The following PCDHA1 variants were observed in gnomAD, a reference collection of about 807,000 sequenced individuals.
PCDHA1 encodes the protein protocadherin alpha 1.
Under a neutral mutation model 61.3 loss-of-function variants are expected in PCDHA1, and 42 were observed. The observed-to-expected ratio is 0.69, with a 90% confidence interval of 0.54 to 0.89. The LOEUF (loss-of-function observed/expected upper bound fraction) is 0.89, where lower values mean the gene tolerates loss of function less well. Ranked by LOEUF, PCDHA1 falls within the 40% of genes least tolerant of loss-of-function variation. PCDHA1 has a pLI of 0.00. For missense variants in PCDHA1, 1,256 were observed against 1,235.3 expected, an observed-to-expected ratio of 1.02 and a Z score of -0.25; for synonymous variants, 610 against 553.8, an observed-to-expected ratio of 1.10 and a Z score of -1.43.
rs547096956 is a variant in PCDHA1, at chr5:140,967,167, T to C, written c.2395-11782T>C. 6.2e-6 allele frequency: 10 copies of C among 1,611,120 alleles called. No homozygotes were observed. In the Admixed American group the frequency reaches 8.3e-5, roughly 13 times the overall value. ...CACAACCCCGTGGCGGTGAGCGCCG[T>C]TGAGGTGGAAATATTGGACATCAAC... is the stretch of plus-strand genomic sequence containing the variant. On this transcript the variant is annotated intron_variant, in intron 1 of 3. Transcript: ENST00000504120.
intron 1 of PCDHA1, chr5:140,828,394 G>A: frequency 6.2e-7 from 1 of 1,614,292 alleles, no homozygotes; most frequent in East Asian, 2.2e-5. Context: ...GGAGCGCGGA[G>A]TGCAGCATCC....
Position 140,786,897 on chromosome 5 carries a change from G to A in PCDHA1, c.607G>A (p.Glu203Lys), listed in dbSNP as rs1761339084. 4 of 1,614,160 alleles carry A rather than the reference G, an allele frequency of 2.5e-6. No individual in the cohort carries two copies. Among genetic ancestry groups the A allele is most frequent in the African/African-American group, 2.7e-5 (2 of 75,054 alleles). The change falls in exon 1 of 4, where the codon GAA becomes AAA. Residue 203 changes from glutamate (E) to lysine (K), a missense_variant. Coordinates refer to ENST00000504120, the MANE Select transcript of PCDHA1 (RefSeq NM_018900.4). Reference protein sequence around the residue: ...WLELRKYLDREETPELHLLLT... With the variant: ...WLELRKYLDRKETPELHLLLT... The stretch of plus-strand genomic sequence containing the variant: ...TGAATTGAGAAAATATTTGGATAGA[G>A]AAGAAACACCAGAACTTCACTTATT...
At chr5:140,858,647 A>T in intron 1 of PCDHA1, 1 of 821,512 alleles carries the variant, frequency 1.2e-6, no homozygotes, top group Non-Finnish European at 1.8e-6. Context: ...ATTGGTACTT[A>T]AATTTTTTTA....
At chr5:140,962,565 C>G (rs2095693012) in intron 1 of PCDHA1, among the ~76,000 whole-genome samples, 1 of 152,130 alleles carries the variant, frequency 6.6e-6, no homozygotes, top group African/African-American at 2.4e-5. Flanking sequence ...CCCCTAAAAG[C>G]CAATTGTTAA....
intron 1 of PCDHA1, among the ~76,000 whole-genome samples, chr5:140,923,382 G>A (rs1554201427): frequency 6.6e-6 from 1 of 152,114 alleles, no homozygotes; most frequent in Non-Finnish European, 1.5e-5. Context: ...TTAAAAATTA[G>A]TTGGGCATGG....
rs560256618 is a variant in PCDHA1 at position 140,999,889 on chromosome 5, C to T, written c.2543-9738C>T. Among the ~76,000 whole-genome samples the T allele has an allele frequency of 2.0e-5, 3 of 152,292 alleles. No homozygotes were observed. In the East Asian group the frequency reaches 5.8e-4, roughly 29 times the overall value. ...TTACTGAAAATTAGCCCAGCTGTAG[C>T]TTGGGACACCAAACAGCCAAAAAAT... On this transcript the variant is annotated intron_variant, in intron 3 of 3. Coordinates refer to ENST00000504120, the MANE Select transcript of PCDHA1 (RefSeq NM_018900.4).
intron 1 of PCDHA1, chr5:140,834,485 G>A (rs2150219471): frequency 1.2e-6 from 2 of 1,614,120 alleles, no homozygotes. Context: ...TCCACTACTC[G>A]GTCCCCGAGG....
chr5:140,882,572 T>C, intron 1 of PCDHA1: 1 of 1,614,106 alleles, frequency 6.2e-7, no homozygotes, highest in Non-Finnish European at 8.5e-7. Flanking sequence ...GAGCGCGGAG[T>C]GCAGCATCCA....
intron 1 of PCDHA1, chr5:140,856,124 G>A (rs2043793970): frequency 6.3e-7 from 1 of 1,598,042 alleles, no homozygotes; most frequent in African/African-American, 1.3e-5. Context: ...CTGGGAGGTG[G>A]GGAGCGGCCA....
chr5:140,849,798 C>T (rs1356253349), intron 1 of PCDHA1: 4 of 1,598,532 alleles, frequency 2.5e-6, no homozygotes, highest in Non-Finnish European at 3.4e-6. Context: ...CTCGCCTTCA[C>T]TGTGGGCCAC....
chr5:140,969,149 G>C (rs782510891), intron 1 of PCDHA1: 3 of 1,614,120 alleles, frequency 1.9e-6, no homozygotes, highest in South Asian at 1.1e-5. Context: ...CTGCTACAAG[G>C]CCTGTCTGAC....
chr5:140,884,456 G>A lies in PCDHA1; in HGVS notation c.2395-94493G>A, dbSNP rs1460569799. 2.5e-6 allele frequency: 4 copies of A among 1,613,650 alleles called. No individual in the cohort carries two copies. In the African/African-American group the frequency reaches 5.3e-5, roughly 22 times the overall value. The stretch of plus-strand genomic sequence containing the variant: ...GCGGTGCTCGGCACCGCCCACCGAG[G>A]GCGCGTGCGCGCCGGGCAAGCCCAC... On this transcript the variant is annotated intron_variant, in intron 1 of 3. Coordinates refer to ENST00000504120, the MANE Select transcript of PCDHA1 (RefSeq NM_018900.4).
intron 1 of PCDHA1, among the ~76,000 whole-genome samples, chr5:140,901,191 C>A (rs2153472732): frequency 6.6e-6 from 1 of 152,084 alleles, no homozygotes; most frequent in Non-Finnish European, 1.5e-5. Context: ...GTTTGCTTTT[C>A]TGTGCAGAAG....
At chr5:140,883,390 G>T (rs373348994) in intron 1 of PCDHA1, 4 of 1,614,050 alleles carry the variant, frequency 2.5e-6, no homozygotes, top group East Asian at 4.5e-5. Context: ...TAATCAGTGT[G>T]TCCGATCGTG....
intron 1 of PCDHA1, among the ~76,000 whole-genome samples, chr5:140,964,685 A>G (rs1209867922): frequency 1.3e-5 from 2 of 152,036 alleles, no homozygotes; most frequent in African/African-American, 4.8e-5. Context: ...CAATTTGTGC[A>G]CTTGAGAGAT....
chr5:140,838,316 G>A (rs1775677807), intron 1 of PCDHA1, among the ~76,000 whole-genome samples: 1 of 146,606 alleles, frequency 6.8e-6, no homozygotes, highest in Non-Finnish European at 1.5e-5. Context: ...TAGAAACAGA[G>A]TTTCACCATG....
rs782529116 is a variant in PCDHA1, at chr5:140,788,043, G to C, written c.1753G>C (p.Val585Leu). ...GAVSELVPRL[V>L]GAGHVVAKVR... ...AGTCAGTGAGCTGGTGCCGCGATTG[G>C]TGGGTGCGGGTCATGTGGTGGCGAA... Residue 585 changes from valine (V) to leucine (L), a missense_variant, in exon 1 of 4, where the codon GTG becomes CTG. Physicochemically the swap from Val to Leu is conservative, Grantham distance 32. Transcript: ENST00000504120. The C allele has an allele frequency of 1.9e-6, 3 of 1,614,028 alleles. No individual in the cohort carries two copies. The highest frequency in any genetic ancestry group is 2.5e-6 in the Non-Finnish European group (3 of 1,179,906).
chr5:140,788,125 A>G lies in PCDHA1; in HGVS notation c.1835A>G (p.Gln612Arg), dbSNP rs781789933. ...GYNAWLSYEL[Q>R]PAAGGARIPF... The stretch of plus-strand genomic sequence containing the variant: ...AACGCGTGGCTGTCCTATGAACTGC[A>G]GCCGGCAGCAGGCGGCGCGCGCATC... The change falls in exon 1 of 4, where the codon CAG becomes CGG. Residue 612 changes from glutamine to arginine, a missense_variant. By Grantham distance (43) the Gln-to-Arg change is conservative. Transcript: ENST00000504120. 1 of 1,613,944 alleles carries G rather than the reference A, an allele frequency of 6.2e-7. No homozygotes were observed. Among genetic ancestry groups the G allele is most frequent in the South Asian group, 1.1e-5 (1 of 91,074 alleles).
chr5:140,975,840 A>G (rs1387222678), intron 1 of PCDHA1, among the ~76,000 whole-genome samples: 2 of 152,202 alleles, frequency 1.3e-5, no homozygotes, highest in African/African-American at 2.4e-5. Context: ...CTTATTCTTC[A>G]GTAATACTAC....
Sources: gnomAD v4.1 joint callset for allele counts (sites outside exome capture counted in the v4.1 genomes callset) on GRCh38, gnomAD v4.1.1 for gene constraint, MANE v1.5 for transcripts, NCBI Gene and HGNC (gene_info 2026-07-23, HGNC 2026-07-21) for gene names.